The following PCDHGA7 variants were observed in gnomAD, a reference collection of about 807,000 sequenced individuals.
The protein encoded by PCDHGA7 is protocadherin gamma-A7.
Under a neutral mutation model 58.3 loss-of-function variants are expected in PCDHGA7, and 44 were observed. The observed-to-expected ratio is 0.75, with a 90% CI of 0.59 to 0.97. The LOEUF (loss-of-function observed/expected upper bound fraction) is 0.97, where lower values mean the gene tolerates loss of function less well. PCDHGA7 is among the 50% of genes least tolerant of loss of function. The pLI is 0.00. For synonymous variants in PCDHGA7, 516 were observed against 504.2 expected (o/e 1.02, Z -0.31); for missense variants, 1,266 against 1,188.7 (o/e 1.06, Z -0.96).
Position 141,489,629 on chromosome 5 carries a change from C to G in PCDHGA7, c.2425-5178C>G. 6.2e-7 allele frequency: 1 copy of G among 1,614,142 alleles called. No individual in the cohort carries two copies. The highest frequency in any genetic ancestry group is 8.5e-7 in the Non-Finnish European group (1 of 1,180,014). On this transcript the variant is annotated intron_variant, in intron 1 of 3. Coordinates refer to ENST00000518325, the MANE Select transcript of PCDHGA7 (RefSeq NM_018920.4). The surrounding 1 kb of genome is among the most constrained non-coding windows in gnomAD (Gnocchi z 4.5). Reference sequence around the variant, plus strand: ...GAGATCCTGGATCTCAATGACAACTCTCCTAGCTTTGCCACCCCTGAGCGA... The same window carrying G: ...GAGATCCTGGATCTCAATGACAACTGTCCTAGCTTTGCCACCCCTGAGCGA...
At chr5:141,419,665 C>T in intron 1 of PCDHGA7, 1 of 1,612,860 alleles carries the variant, frequency 6.2e-7, no homozygotes, top group East Asian at 2.2e-5. Flanking sequence ...GGCACAATGC[C>T]TGGCTGTCCT....
chr5:141,498,531 G>A (rs1384404653), intron 2 of PCDHGA7, among the ~76,000 whole-genome samples: 3 of 148,544 alleles, frequency 2.0e-5, no homozygotes, highest in Non-Finnish European at 4.4e-5. Context: ...CTGCCCTCCA[G>A]CCTGGTCTGG....
At chr5:141,427,982 G>A in intron 1 of PCDHGA7, 1 of 1,596,754 alleles carries the variant, frequency 6.3e-7, no homozygotes, top group Non-Finnish European at 8.6e-7. Flanking sequence ...CCGCGCTGGG[G>A]CCCGATGGCT....
At chr5:141,414,704 C>A (rs778708386) in intron 1 of PCDHGA7, 8 of 1,614,036 alleles carry the variant, frequency 5.0e-6, no homozygotes, top group Non-Finnish European at 5.9e-6. Flanking sequence ...TCATACATAT[C>A]CATCAACTCA....
At chr5:141,459,945 G>T (rs113794146) in intron 1 of PCDHGA7, among the ~76,000 whole-genome samples, 54 of 152,164 alleles carry the variant, frequency 3.5e-4, no homozygotes, top group Middle Eastern at 3.2e-3. Flanking sequence ...GGGCGTGATG[G>T]CAGGTGCCTG....
intron 1 of PCDHGA7, chr5:141,413,423 C>A (rs770419729): frequency 6.2e-7 from 1 of 1,614,078 alleles, no homozygotes; most frequent in Non-Finnish European, 8.5e-7. Flanking sequence ...TCTCTGAACC[C>A]GCGCAGCGGC....
chr5:141,488,633 A>G (rs2099677537), intron 1 of PCDHGA7, among the ~76,000 whole-genome samples: 1 of 152,174 alleles, frequency 6.6e-6, no homozygotes, highest in South Asian at 2.1e-4. Context: ...TCACCTTAGC[A>G]GCATTCAGCA....
In PCDHGA7 at chr5:141,489,576, C is replaced by T; in HGVS notation, c.2425-5231C>T. 1.9e-6 allele frequency: 3 copies of T among 1,614,054 alleles called. No individual in the cohort carries two copies. Among genetic ancestry groups the T allele is most frequent in the Non-Finnish European group, 2.5e-6 (3 of 1,179,976 alleles). Reference sequence around the variant, plus strand: ...TGCCAGTGCAGGTGGTGACTGAACACCCCCTGGAGCTAATCCGTGTAGAGG... The same window carrying T: ...TGCCAGTGCAGGTGGTGACTGAACATCCCCTGGAGCTAATCCGTGTAGAGG... On this transcript the variant is annotated intron_variant, in intron 1 of 3. Coordinates refer to ENST00000518325, the MANE Select transcript of PCDHGA7 (RefSeq NM_018920.4). This position sits in a 1 kb window ranked among gnomAD's most constrained non-coding sequence, Gnocchi z 4.5.
intron 1 of PCDHGA7, chr5:141,419,506 C>T (rs527369615): frequency 6.2e-7 from 1 of 1,612,352 alleles, no homozygotes; most frequent in Non-Finnish European, 8.5e-7. Context: ...TGAGCCTGCG[C>T]GTGTTGGTGG....
At chr5:141,403,420 A>G in intron 1 of PCDHGA7, 1 of 1,614,050 alleles carries the variant, frequency 6.2e-7, no homozygotes, top group African/African-American at 1.3e-5. Flanking sequence ...CACTTCCAGA[A>G]GCTATTGATC....
At chr5:141,415,454 A>G (rs899212436) in intron 1 of PCDHGA7, 2 of 1,614,162 alleles carry the variant, frequency 1.2e-6, no homozygotes, top group Non-Finnish European at 8.5e-7. Flanking sequence ...TATTCCCACG[A>G]GGTCTCTCTC....
rs2099623095 is a variant in PCDHGA7 at position 141,486,025 on chromosome 5, T to C, written c.2425-8782T>C. 1 of 1,613,958 alleles carries C rather than the reference T, an allele frequency of 6.2e-7. No individual in the cohort carries two copies. The highest frequency in any genetic ancestry group is 8.5e-7 in the Non-Finnish European group (1 of 1,179,932). The stretch of plus-strand genomic sequence containing the variant: ...ACGTCACCTTTTATTTCAGTGGTCA[T>C]ACCCCTGATCGTGTAAGAAACCTCT... On this transcript the variant is annotated intron_variant, in intron 1 of 3. Transcript: ENST00000518325. The surrounding 1 kb of genome is among the most constrained non-coding windows in gnomAD (Gnocchi z 5.0).
At chr5:141,453,786 A>G (rs2098774297) in intron 1 of PCDHGA7, among the ~76,000 whole-genome samples, 1 of 152,252 alleles carries the variant, frequency 6.6e-6, no homozygotes, top group Non-Finnish European at 1.5e-5. Flanking sequence ...TTACCATGGT[A>G]TATTAACTTT....
intron 3 of PCDHGA7, chr5:141,508,128 T>C (rs1490298338): frequency 6.6e-6 from 1 of 151,706 alleles, no homozygotes; most frequent in African/African-American, 2.4e-5. Context: ...CAGAGGGAGG[T>C]CAGGGAGCTG....
chr5:141,408,300 T>C lies in PCDHGA7; in HGVS notation c.2424+22977T>C. On this transcript the variant is annotated intron_variant, in intron 1 of 3. Coordinates refer to ENST00000518325, the MANE Select transcript of PCDHGA7 (RefSeq NM_018920.4). ...TTCTACCCCACCCTGAGTGAGCCGATCCGCTACTCGATTCCGGAGGAGCTG... is the reference window on the plus strand; with the variant it reads ...TTCTACCCCACCCTGAGTGAGCCGACCCGCTACTCGATTCCGGAGGAGCTG... The C allele has an allele frequency of 1.2e-6, 2 of 1,613,732 alleles. No homozygotes were observed. The highest frequency in any genetic ancestry group is 1.7e-6 in the Non-Finnish European group (2 of 1,179,694).
rs1206206519 is a variant in PCDHGA7 at position 141,432,127 on chromosome 5, C to G, written c.2424+46804C>G. ...ACCCGCCGGTCTTCCCTCAGGCCTC[C>G]TATTCCGCTTATATCCCAGAGAACA... On this transcript the variant is annotated intron_variant, in intron 1 of 3. Coordinates refer to ENST00000518325, the MANE Select transcript of PCDHGA7 (RefSeq NM_018920.4). The surrounding 1 kb of genome is among the most constrained non-coding windows in gnomAD (Gnocchi z 6.0). The G allele has an allele frequency of 6.8e-6, 11 of 1,614,160 alleles. No homozygotes were observed. The highest frequency in any genetic ancestry group is 8.5e-6 in the Non-Finnish European group (10 of 1,180,032).
At position 141,431,026 on chromosome 5, in the gene PCDHGA7, G is replaced by A; in HGVS notation, c.2424+45703G>A. On this transcript the variant is annotated intron_variant, in intron 1 of 3. Coordinates refer to ENST00000518325, the MANE Select transcript of PCDHGA7 (RefSeq NM_018920.4). This position sits in a 1 kb window ranked among gnomAD's most constrained non-coding sequence, Gnocchi z 4.8. Reference sequence around the variant, plus strand: ...GCGGCAGCTTGGTCACGGCGGGCAGGATAGACCGGGAGGAGCTCTGTATGG... The same window carrying A: ...GCGGCAGCTTGGTCACGGCGGGCAGAATAGACCGGGAGGAGCTCTGTATGG... The A allele has an allele frequency of 1.2e-6, 2 of 1,614,118 alleles. No homozygotes were observed. The highest frequency in any genetic ancestry group is 1.7e-6 in the Non-Finnish European group (2 of 1,179,960).
chr5:141,386,400 A>G (rs1180278109), intron 1 of PCDHGA7, among the ~76,000 whole-genome samples: 1 of 152,176 alleles, frequency 6.6e-6, no homozygotes, highest in Non-Finnish European at 1.5e-5. Flanking sequence ...ACTTTTAGCC[A>G]GGTATGGTGT....
chr5:141,382,883 A>G lies in PCDHGA7; in HGVS notation c.-17A>G. Reference sequence around the variant, plus strand: ...ACTTCCCGAGATCGGCGCCTAAGCAAGAGAAGCAGGACGACTATGGCGGCT... The same window carrying G: ...ACTTCCCGAGATCGGCGCCTAAGCAGGAGAAGCAGGACGACTATGGCGGCT... On this transcript the variant is annotated 5_prime_UTR_variant, in exon 1 of 4. Coordinates refer to ENST00000518325, the MANE Select transcript of PCDHGA7 (RefSeq NM_018920.4). The G allele has an allele frequency of 3.3e-6, 5 of 1,528,792 alleles. No individual in the cohort carries two copies. The highest frequency in any genetic ancestry group is 4.4e-6 in the Non-Finnish European group (5 of 1,140,214). 94.7% of individuals were successfully genotyped at this position (1,528,792 alleles called of 1,614,324 possible).
Sources: allele counts gnomAD v4.1 joint callset (sites outside exome capture counted in the v4.1 genomes callset), GRCh38; gene constraint gnomAD v4.1.1; non-coding constraint Gnocchi (gnomAD v3.1); transcripts MANE v1.5; gene names NCBI Gene and HGNC (gene_info 2026-07-23, HGNC 2026-07-21).